CRB1: variants seen among roughly 807,000 people sequenced by gnomAD.
CRB1 encodes protein crumbs homolog 1.
In CRB1, 83 loss-of-function variants were observed where a neutral mutation model predicts 120.0. That is an observed-to-expected ratio of 0.69 (90% CI 0.58 to 0.83). The LOEUF (loss-of-function observed/expected upper bound fraction) is 0.83, where lower values mean the gene tolerates loss of function less well. Ranked by LOEUF, CRB1 falls within the 40% of genes least tolerant of loss-of-function variation. The pLI, the probability that CRB1 is intolerant of heterozygous loss-of-function variation, is 0.00. For synonymous variants in CRB1, 625 were observed against 612.5 expected, an observed-to-expected ratio of 1.02 and a Z score of -0.30; for missense variants, 1,699 against 1,687.6, an observed-to-expected ratio of 1.01 and a Z score of -0.12.
At chr1:197,403,399 TGA>T (rs961399455) in intron 5 of CRB1, among the ~76,000 whole-genome samples, 6 of 152,216 alleles carry the variant, frequency 3.9e-5, no homozygotes, top group African/African-American at 1.4e-4. Context: ...GAGATGAATA[TGA>T]GTAAAGGTTT....
chr1:197,459,630 T>A (rs1339470358), intron 11 of CRB1, among the ~76,000 whole-genome samples: 2 of 152,082 alleles, frequency 1.3e-5, no homozygotes, highest in South Asian at 2.1e-4. Flanking sequence ...ACGGTGACAT[T>A]GGCGATTAGG....
At chr1:197,383,010 C>T (rs1662035033) in intron 5 of CRB1, among the ~76,000 whole-genome samples, 1 of 152,110 alleles carries the variant, frequency 6.6e-6, no homozygotes, top group Admixed American at 6.6e-5. Context: ...TTGGTAACTA[C>T]CCTCAAAAAT....
chr1:197,418,741 A>C (rs1664134220), intron 5 of CRB1, among the ~76,000 whole-genome samples: 1 of 152,218 alleles, frequency 6.6e-6, no homozygotes, highest in Non-Finnish European at 1.5e-5. Flanking sequence ...CATTCATTCC[A>C]AAATTAATTA....
chr1:197,399,240 A>G (rs909125511), intron 5 of CRB1, among the ~76,000 whole-genome samples: 4 of 152,184 alleles, frequency 2.6e-5, no homozygotes, highest in Admixed American at 6.5e-5. Context: ...ACTCTAATGA[A>G]TGTAGCATTT....
chr1:197,221,737 G>C, the CRB1 span, among the ~76,000 whole-genome samples: 2 of 152,136 alleles, frequency 1.3e-5, no homozygotes, highest in East Asian at 3.9e-4. Flanking sequence ...AACCTGTTTT[G>C]AATCACTATA....
At chr1:197,209,286 T>G in the CRB1 span, among the ~76,000 whole-genome samples, 1 of 152,224 alleles carries the variant, frequency 6.6e-6, no homozygotes, top group Non-Finnish European at 1.5e-5. Flanking sequence ...TCAAAATTGT[T>G]CAGCTGGAAG....
intron 1 of CRB1, among the ~76,000 whole-genome samples, chr1:197,273,492 C>A (rs753192227): frequency 2.6e-5 from 4 of 152,056 alleles, no homozygotes; most frequent in Non-Finnish European, 4.4e-5. Flanking sequence ...GTAACCCACA[C>A]TTAAGAAGTT....
intron 6 of CRB1, among the ~76,000 whole-genome samples, chr1:197,423,628 A>G (rs949715932): frequency 6.6e-6 from 1 of 152,176 alleles, no homozygotes; most frequent in African/African-American, 2.4e-5. Context: ...GGTAATGAGA[A>G]CATGGAGTCT....
chr1:197,242,435 C>T, the CRB1 span, among the ~76,000 whole-genome samples: 1 of 152,080 alleles, frequency 6.6e-6, no homozygotes, highest in Non-Finnish European at 1.5e-5. Context: ...TTGAGATAAT[C>T]ATGTGGTTTT....
intron 4 of CRB1, among the ~76,000 whole-genome samples, chr1:197,351,364 C>CAAAAAAAAA (rs35672792): frequency 1.2e-5 from 1 of 86,052 alleles, no homozygotes; most frequent in African/African-American, 5.1e-5. Flanking sequence ...TGAGACTTGG[C>CAAAAAAAAA]AAAAAAAAAA....
intron 9 of CRB1, 93 bp from the exon 10 acceptor site, chr1:197,438,454 T>C (rs2125505936): frequency 6.8e-7 from 1 of 1,468,776 alleles, no homozygotes; most frequent in Non-Finnish European, 9.5e-7. Context: ...TTAATTAGCT[T>C]GGCATTGACT....
intron 1 of CRB1, among the ~76,000 whole-genome samples, chr1:197,278,571 A>G (rs189847031): frequency 2.6e-5 from 4 of 152,040 alleles, no homozygotes; most frequent in Admixed American, 2.6e-4. Flanking sequence ...GCTTCAGCTC[A>G]GCTTTGACAT....
chr1:197,414,914 C>T (rs1014584567), intron 5 of CRB1, among the ~76,000 whole-genome samples: 27 of 152,102 alleles, frequency 1.8e-4, no homozygotes, highest in Admixed American at 1.6e-3. Context: ...AAGCATAAAT[C>T]GCTGTTTATC....
chr1:197,338,972 A>C (rs1461165382), intron 2 of CRB1, among the ~76,000 whole-genome samples: 2 of 152,182 alleles, frequency 1.3e-5, no homozygotes, highest in African/African-American at 2.4e-5. Context: ...GTGAGGGAGT[A>C]AAAAAGGAGT....
At chr1:197,305,427 T>C (rs1321371780) in intron 1 of CRB1, among the ~76,000 whole-genome samples, 2 of 152,116 alleles carry the variant, frequency 1.3e-5, no homozygotes, top group African/African-American at 4.8e-5. Flanking sequence ...AAAAATTTTA[T>C]GTACTGATAC....
At chr1:197,231,166 A>G in the CRB1 span, among the ~76,000 whole-genome samples, 1 of 152,210 alleles carries the variant, frequency 6.6e-6, no homozygotes. Context: ...TGTTTTATAA[A>G]CAGTTACAGG....
intron 2 of CRB1, among the ~76,000 whole-genome samples, chr1:197,340,796 T>C (rs1021503624): frequency 4.6e-5 from 7 of 152,120 alleles, no homozygotes; most frequent in African/African-American, 1.2e-4. Context: ...AGATGAAGGT[T>C]ATCATTATTT....
intron 1 of CRB1, among the ~76,000 whole-genome samples, chr1:197,327,410 A>G (rs1381000394): frequency 1.3e-5 from 2 of 152,178 alleles, no homozygotes; most frequent in Non-Finnish European, 2.9e-5. Context: ...TCTTCCCTGA[A>G]AGTCTTGCAC....
intron 2 of CRB1, among the ~76,000 whole-genome samples, chr1:197,334,586 G>C (rs1170786842): frequency 6.6e-6 from 1 of 152,128 alleles, no homozygotes; most frequent in Admixed American, 6.5e-5. Context: ...CTTGGATGTG[G>C]GGATTTACCA....
Sources: allele counts gnomAD v4.1 joint callset (sites outside exome capture counted in the v4.1 genomes callset), GRCh38; gene constraint gnomAD v4.1.1; transcripts MANE v1.5; gene names NCBI Gene and HGNC (gene_info 2026-07-23, HGNC 2026-07-21).